The following GLRA2 variants were observed in gnomAD, a reference collection of about 807,000 sequenced individuals.
The protein encoded by GLRA2 is glycine receptor alpha 2, also known as glycine receptor subunit alpha-2.
A neutral mutation model predicts 31.6 loss-of-function variants in GLRA2; 11 were observed. The ratio of observed to expected loss-of-function variants is 0.35; its 90% CI spans 0.22 to 0.58. The LOEUF (loss-of-function observed/expected upper bound fraction) is 0.58. Ranked by LOEUF, GLRA2 falls within the 20% of genes least tolerant of loss-of-function variation. GLRA2 has a pLI of 0.84. For synonymous variants in GLRA2, 132 were observed against 134.0 expected (o/e 0.99, Z 0.10); for missense variants, 212 against 351.8 (o/e 0.60, Z 3.18).
At chrX:14,462,576 T>A in the GLRA2 span, among the ~76,000 whole-genome samples, 610 of 111,713 alleles carry the variant, frequency 5.5e-3, 8 homozygotes, top group African/African-American at 0.018. Flanking sequence ...AATCTTGTCT[T>A]CTCACTTTAT....
intron 6 of GLRA2, 93 bp downstream of exon 6, chrX:14,607,361 T>C (rs778899369): frequency 3.5e-4 from 265 of 752,525 alleles, no homozygotes; most frequent in Non-Finnish European, 4.9e-4. Flanking sequence ...AATTGCTGCA[T>C]ATTTACCAGG....
chrX:14,646,281 G>T (rs1344937266), intron 7 of GLRA2, among the ~76,000 whole-genome samples: 1 of 112,043 alleles, frequency 8.9e-6, no homozygotes. Flanking sequence ...GAAGCCATGT[G>T]CATTATGGCT....
intron 8 of GLRA2, among the ~76,000 whole-genome samples, chrX:14,694,384 A>C (rs1337270087): frequency 8.9e-6 from 1 of 112,262 alleles, no homozygotes; most frequent in Non-Finnish European, 1.9e-5. Flanking sequence ...AAAGCTGTGA[A>C]TATAGTAGAG....
chrX:14,698,295 T>A (rs1238009556), intron 8 of GLRA2, among the ~76,000 whole-genome samples: 2 of 111,758 alleles, frequency 1.8e-5, no homozygotes, highest in African/African-American at 3.3e-5. Flanking sequence ...TTTCCCCTAG[T>A]TTGGGGCCCA....
chrX:14,497,701 G>C, the GLRA2 span, among the ~76,000 whole-genome samples: 1 of 111,681 alleles, frequency 9.0e-6, no homozygotes, highest in African/African-American at 3.2e-5. Context: ...AAAGGCAAAA[G>C]CTCAATTTTT....
At chrX:14,502,645 A>G in the GLRA2 span, among the ~76,000 whole-genome samples, 1 of 111,422 alleles carries the variant, frequency 9.0e-6, no homozygotes, top group Non-Finnish European at 1.9e-5. Flanking sequence ...TGATCAATAT[A>G]TAACTTTGTT....
chrX:14,681,939 ATG>A (rs1192394834), intron 7 of GLRA2, among the ~76,000 whole-genome samples: 2 of 85,155 alleles, frequency 2.3e-5, no homozygotes, highest in African/African-American at 8.3e-5. Context: ...ATGTATATAT[ATG>A]TGTGTGTGTC....
intron 2 of GLRA2, among the ~76,000 whole-genome samples, chrX:14,536,349 G>A (rs780589807): frequency 7.2e-5 from 8 of 111,658 alleles, no homozygotes; most frequent in Non-Finnish European, 1.5e-4. Flanking sequence ...TTGAGCACAA[G>A]CGTCCACCAG....
chrX:14,697,497 C>G (rs747959894), intron 8 of GLRA2, among the ~76,000 whole-genome samples: 12 of 111,744 alleles, frequency 1.1e-4, no homozygotes, highest in Non-Finnish European at 1.3e-4. Flanking sequence ...ACTATCCAGG[C>G]ATCTTTTCTT....
the GLRA2 span, among the ~76,000 whole-genome samples, chrX:14,464,247 A>G: frequency 8.9e-6 from 1 of 111,868 alleles, no homozygotes. Flanking sequence ...TATTCACAAT[A>G]TGTTTTCCCA....
intron 2 of GLRA2, among the ~76,000 whole-genome samples, chrX:14,566,393 A>G (rs1002601201): frequency 8.0e-5 from 9 of 112,236 alleles, no homozygotes; most frequent in East Asian, 5.6e-4. Context: ...ATGAATCTTC[A>G]AACTCTTCTA....
chrX:14,582,434 T>C (rs1438458467), intron 4 of GLRA2, among the ~76,000 whole-genome samples: 1 of 110,437 alleles, frequency 9.1e-6, no homozygotes, highest in Non-Finnish European at 1.9e-5. Context: ...CCATGGTGTA[T>C]ATGTGCCACA....
intron 8 of GLRA2, among the ~76,000 whole-genome samples, chrX:14,717,367 T>G (rs1015885099): frequency 9.1e-6 from 1 of 109,312 alleles, no homozygotes. Context: ...AAAAAGTAGA[T>G]ATCAAGTCCT....
the GLRA2 span, among the ~76,000 whole-genome samples, chrX:14,495,195 A>G: frequency 5.4e-5 from 6 of 111,488 alleles, no homozygotes; most frequent in African/African-American, 2.0e-4. Context: ...AGAGTTTTCA[A>G]TGTAATGTAG....
chrX:14,648,522 T>TTTA (rs763894456), intron 7 of GLRA2, among the ~76,000 whole-genome samples: 3 of 111,850 alleles, frequency 2.7e-5, no homozygotes, highest in Admixed American at 1.9e-4. Context: ...TAAAATAGAC[T>TTTA]TTATTAAAAT....
the GLRA2 span, among the ~76,000 whole-genome samples, chrX:14,517,425 G>A: frequency 8.9e-6 from 1 of 112,058 alleles, no homozygotes; most frequent in Non-Finnish European, 1.9e-5. Flanking sequence ...CATGGCTGGG[G>A]AAGCCTCAGG....
chrX:14,580,018 T>A (rs1298515962), intron 3 of GLRA2, among the ~76,000 whole-genome samples: 2 of 112,086 alleles, frequency 1.8e-5, no homozygotes, highest in East Asian at 5.6e-4. Flanking sequence ...TCACCCAAAC[T>A]TGCCATCCTG....
At chrX:14,574,529 C>T (rs1189743836) in intron 3 of GLRA2, 129 bp downstream of exon 3, 2 of 1,203,916 alleles carry the variant, frequency 1.7e-6, no homozygotes. Flanking sequence ...TATTTATCAA[C>T]AGCTTTGGGT....
intron 8 of GLRA2, among the ~76,000 whole-genome samples, chrX:14,711,085 G>A (rs1569525624): frequency 8.9e-6 from 1 of 112,050 alleles, no homozygotes; most frequent in East Asian, 2.8e-4. Context: ...AAATATGAGT[G>A]AACTCAAAAG....
Sources: gnomAD v4.1 joint callset for allele counts (sites outside exome capture counted in the v4.1 genomes callset) on GRCh38, gnomAD v4.1.1 for gene constraint, MANE v1.5 for transcripts, NCBI Gene and HGNC (gene_info 2026-07-23, HGNC 2026-07-21) for gene names.